Variants in KHDRBS2 observed in about 807,000 individuals in gnomAD.
KHDRBS2 encodes KH domain-containing, RNA-binding, signal transduction-associated protein 2.
In KHDRBS2, 26 loss-of-function variants were observed where a neutral mutation model predicts 44.3. The ratio of observed to expected loss-of-function variants is 0.59; its 90% CI spans 0.43 to 0.81. The LOEUF (loss-of-function observed/expected upper bound fraction) is 0.81. Among genes scored for constraint, KHDRBS2 ranks in the 40% least tolerant of loss-of-function variants. KHDRBS2 has a pLI of 0.00. For missense variants in KHDRBS2, 476 were observed against 433.1 expected (o/e 1.10, Z -0.88); for synonymous variants, 194 against 151.1 (o/e 1.28, Z -2.08).
At chr6:61,851,555 A>G (rs1375404238) in intron 6 of KHDRBS2, among the ~76,000 whole-genome samples, 1 of 152,192 alleles carries the variant, frequency 6.6e-6, no homozygotes, top group Non-Finnish European at 1.5e-5. Context: ...CGGGACACAG[A>G]CAATACATAG....
At chr6:62,033,916 T>C (rs1242445071) in intron 3 of KHDRBS2, among the ~76,000 whole-genome samples, 13 of 151,444 alleles carry the variant, frequency 8.6e-5, no homozygotes, top group South Asian at 4.1e-4. Flanking sequence ...TATATACATT[T>C]ATATATTTAG....
At chr6:62,199,303 T>A (rs1296819981) in intron 1 of KHDRBS2, among the ~76,000 whole-genome samples, 1 of 152,166 alleles carries the variant, frequency 6.6e-6, no homozygotes, top group Non-Finnish European at 1.5e-5. Context: ...AAATTGTCCC[T>A]GTTTGCAGAT....
chr6:62,265,323 C>T (rs368176649), intron 1 of KHDRBS2, among the ~76,000 whole-genome samples: 3 of 151,948 alleles, frequency 2.0e-5, no homozygotes, highest in East Asian at 3.9e-4. Flanking sequence ...AAAAGAGCAG[C>T]TATGTCCTTT....
intron 1 of KHDRBS2, among the ~76,000 whole-genome samples, chr6:62,221,689 C>T (rs1830920719): frequency 6.6e-6 from 1 of 151,924 alleles, no homozygotes; most frequent in Admixed American, 6.6e-5. Flanking sequence ...TAGAAAAATC[C>T]ACCATCACTG....
chr6:62,134,960 G>A (rs1811189192), intron 2 of KHDRBS2, among the ~76,000 whole-genome samples: 1 of 152,156 alleles, frequency 6.6e-6, no homozygotes, highest in South Asian at 2.1e-4. Context: ...TCTCAGATGA[G>A]ACTTTGGACT....
intron 6 of KHDRBS2, among the ~76,000 whole-genome samples, chr6:61,872,760 A>G (rs1232227025): frequency 8.1e-6 from 1 of 123,148 alleles, no homozygotes; most frequent in Admixed American, 8.8e-5. Flanking sequence ...AGAAAAATGA[A>G]CCAAGACATG....
At chr6:61,573,471 A>G in the KHDRBS2 span, among the ~76,000 whole-genome samples, 1 of 152,088 alleles carries the variant, frequency 6.6e-6, no homozygotes, top group Non-Finnish European at 1.5e-5. Context: ...AAAAAAAAGA[A>G]ACAACTTAAA....
At chr6:62,076,198 A>G (rs1407008835) in intron 2 of KHDRBS2, among the ~76,000 whole-genome samples, 1 of 151,990 alleles carries the variant, frequency 6.6e-6, no homozygotes, top group Non-Finnish European at 1.5e-5. Flanking sequence ...AAAATGGATT[A>G]AAACACTATA....
At chr6:61,583,708 T>C in the KHDRBS2 span, among the ~76,000 whole-genome samples, 2 of 151,666 alleles carry the variant, frequency 1.3e-5, no homozygotes, top group Non-Finnish European at 3.0e-5. Flanking sequence ...TTTGTTTTTT[T>C]AAAATAAATT....
At chr6:61,935,171 G>A (rs549238996) in intron 4 of KHDRBS2, among the ~76,000 whole-genome samples, 2 of 152,196 alleles carry the variant, frequency 1.3e-5, no homozygotes, top group East Asian at 1.9e-4. Flanking sequence ...TTTCTATACC[G>A]ACATTTAAAA....
chr6:62,156,512 G>C (rs1816417368), intron 2 of KHDRBS2, among the ~76,000 whole-genome samples: 12 of 152,004 alleles, frequency 7.9e-5, no homozygotes, highest in Admixed American at 7.9e-4. Context: ...AAACTTTTAA[G>C]ACTGTACAAT....
chr6:62,074,477 C>G (rs934217399), intron 2 of KHDRBS2, among the ~76,000 whole-genome samples: 1 of 151,802 alleles, frequency 6.6e-6, no homozygotes, highest in Non-Finnish European at 1.5e-5. Flanking sequence ...TCCCGCCAAC[C>G]CTCACCTCTC....
chr6:61,552,352 A>G, the KHDRBS2 span, among the ~76,000 whole-genome samples: 1 of 152,096 alleles, frequency 6.6e-6, no homozygotes. Flanking sequence ...TGATTTTTGT[A>G]CATTGATTTT....
At chr6:62,142,762 A>G (rs1044644140) in intron 2 of KHDRBS2, among the ~76,000 whole-genome samples, 1 of 151,846 alleles carries the variant, frequency 6.6e-6, no homozygotes, top group East Asian at 1.9e-4. Context: ...AGTCCTAAAA[A>G]TGATCTTCAT....
At chr6:62,080,354 T>C (rs1038488537) in intron 2 of KHDRBS2, among the ~76,000 whole-genome samples, 1 of 152,134 alleles carries the variant, frequency 6.6e-6, no homozygotes, top group Non-Finnish European at 1.5e-5. Flanking sequence ...TATTGACTTA[T>C]GTACCCAAGT....
the KHDRBS2 span, among the ~76,000 whole-genome samples, chr6:61,650,177 T>C: frequency 9.2e-5 from 14 of 152,272 alleles, no homozygotes; most frequent in East Asian, 9.7e-4. Flanking sequence ...GTTGCTTAAA[T>C]GTCACTTCCT....
chr6:61,606,557 A>G, the KHDRBS2 span, among the ~76,000 whole-genome samples: 1 of 152,212 alleles, frequency 6.6e-6, no homozygotes, highest in Non-Finnish European at 1.5e-5. Context: ...GCCAGATAAT[A>G]GATCCTTTTA....
chr6:62,049,475 T>C (rs1283759927), intron 2 of KHDRBS2, among the ~76,000 whole-genome samples: 1 of 132,510 alleles, frequency 7.5e-6, no homozygotes, highest in Non-Finnish European at 1.6e-5. Context: ...GATTACTTAA[T>C]TAGAAAGCAA....
intron 3 of KHDRBS2, among the ~76,000 whole-genome samples, 157 bp from the exon 4 acceptor site, chr6:61,978,369 T>C (rs1339101887): frequency 6.6e-6 from 1 of 152,100 alleles, no homozygotes; most frequent in Non-Finnish European, 1.5e-5. Flanking sequence ...AAAAATCTGC[T>C]ACAAGCCATT....
Sources: allele counts gnomAD v4.1 joint callset (sites outside exome capture counted in the v4.1 genomes callset), GRCh38; gene constraint gnomAD v4.1.1; transcripts MANE v1.5; gene names NCBI Gene and HGNC (gene_info 2026-07-23, HGNC 2026-07-21).